Variants in SGCZ observed in about 807,000 individuals in gnomAD.
SGCZ encodes zeta-sarcoglycan.
In SGCZ, 40 loss-of-function variants were observed where a neutral mutation model predicts 41.3. That is an observed-to-expected ratio of 0.97 (90% CI 0.75 to 1.26). The LOEUF (loss-of-function observed/expected upper bound fraction) is 1.26, where lower values mean the gene tolerates loss of function less well. Among genes scored for constraint, SGCZ ranks in the 50% most tolerant of loss-of-function variants. The pLI is 0.00. For missense variants in SGCZ, 552 were observed against 369.8 expected (o/e 1.49, Z -4.04); for synonymous variants, 206 against 137.5 (o/e 1.50, Z -3.49).
chr8:14,367,092 A>C (rs760378112), intron 2 of SGCZ, among the ~76,000 whole-genome samples: 18 of 152,050 alleles, frequency 1.2e-4, no homozygotes, highest in Non-Finnish European at 2.2e-4. Flanking sequence ...GCCACTTAGA[A>C]ATTTCTTACG....
chr8:15,167,628 G>A (rs1799704513), intron 1 of SGCZ, among the ~76,000 whole-genome samples: 1 of 151,890 alleles, frequency 6.6e-6, no homozygotes, highest in South Asian at 2.1e-4. Flanking sequence ...CCAAGTGTAA[G>A]ACTAAAGGCT....
intron 1 of SGCZ, among the ~76,000 whole-genome samples, chr8:14,634,923 A>G (rs896581773): frequency 2.6e-5 from 4 of 151,902 alleles, no homozygotes; most frequent in Admixed American, 6.6e-5. Flanking sequence ...TATACATAGT[A>G]ACTATTGATA....
chr8:14,622,329 C>T (rs1197215619), intron 1 of SGCZ, among the ~76,000 whole-genome samples: 2 of 152,080 alleles, frequency 1.3e-5, no homozygotes, highest in South Asian at 2.1e-4. Context: ...TGGGAGCCTT[C>T]TATGAGTTTC....
In SGCZ at chr8:14,454,579, C is replaced by T. The variant is rs571963382; in HGVS notation, c.234+100153G>A. On this transcript the variant is annotated intron_variant, in intron 2 of 7. Transcript: ENST00000382080. ...TAAAGTTCATACGTAAAAACAGATA[C>T]GAGTAGCTCAAAAACACTGTAAAAG... 8.6e-4 allele frequency among the ~76,000 whole-genome samples: 130 copies of T among 151,994 alleles called. 1 individual carries two copies. The highest frequency in any genetic ancestry group is 7.3e-3 in the South Asian group (35 of 4,808).
chr8:14,381,595 T>A (rs558511253), intron 2 of SGCZ, among the ~76,000 whole-genome samples: 38 of 151,320 alleles, frequency 2.5e-4, no homozygotes, highest in Non-Finnish European at 4.6e-4. Flanking sequence ...GGCAACATGA[T>A]GAAACCCCGG....
At chr8:15,230,317 A>G (rs1801903457) in intron 1 of SGCZ, among the ~76,000 whole-genome samples, 1 of 152,304 alleles carries the variant, frequency 6.6e-6, no homozygotes, top group African/African-American at 2.4e-5. Context: ...AATCTCTACC[A>G]TCAGACGTTC....
chr8:15,072,225 AC>A (rs1805380847), intron 1 of SGCZ, among the ~76,000 whole-genome samples: 1 of 152,110 alleles, frequency 6.6e-6, no homozygotes, highest in African/African-American at 2.4e-5. Flanking sequence ...TAGACTGGCC[AC>A]CTAGGAAGTG....
rs1487802427 is a variant in SGCZ, at chr8:14,440,724, CGT to C, written c.234+114006_234+114007del. On this transcript the variant is annotated intron_variant, in intron 2 of 7. Coordinates refer to ENST00000382080, the MANE Select transcript of SGCZ (RefSeq NM_139167.4). ...ATATATGTATATACATACGTATACA[CGT>C]ATATGTATATATGTATATACATACG... Among the ~76,000 whole-genome samples the C allele has an allele frequency of 6.3e-4, 39 of 61,542 alleles. 1 individual carries two copies. The highest frequency in any genetic ancestry group is 2.5e-3 in the East Asian group (8 of 3,218). 40.4% of individuals were successfully genotyped at this position (61,542 alleles called of 152,430 possible).
At chr8:14,203,149 T>G (rs1805510126) in intron 4 of SGCZ, among the ~76,000 whole-genome samples, 1 of 152,218 alleles carries the variant, frequency 6.6e-6, no homozygotes, top group African/African-American at 2.4e-5. Context: ...CTTTCTTTTG[T>G]AAATTGCCCA....
chr8:14,485,787 C>A (rs534507269), intron 2 of SGCZ, among the ~76,000 whole-genome samples: 1 of 151,610 alleles, frequency 6.6e-6, no homozygotes, highest in Admixed American at 6.6e-5. Context: ...TGACAGCAGG[C>A]ACAAGGACAT....
At chr8:14,370,245 A>C (rs890736814) in intron 2 of SGCZ, among the ~76,000 whole-genome samples, 21 of 152,130 alleles carry the variant, frequency 1.4e-4, no homozygotes, top group African/African-American at 4.3e-4. Flanking sequence ...AATAGAGTAC[A>C]GTACTCAAAG....
At chr8:14,625,684 G>T (rs1011497145) in intron 1 of SGCZ, among the ~76,000 whole-genome samples, 1 of 152,006 alleles carries the variant, frequency 6.6e-6, no homozygotes, top group South Asian at 2.1e-4. Flanking sequence ...TCCCACCTTG[G>T]CCTCCCAAAG....
At chr8:15,094,086 CAG>C (rs1448316830) in intron 1 of SGCZ, among the ~76,000 whole-genome samples, 3 of 151,896 alleles carry the variant, frequency 2.0e-5, no homozygotes, top group Admixed American at 1.3e-4. Flanking sequence ...GAAAATAAGA[CAG>C]AGGGATGGAG....
At chr8:15,180,729 C>G (rs934680878) in intron 1 of SGCZ, among the ~76,000 whole-genome samples, 2 of 151,578 alleles carry the variant, frequency 1.3e-5, no homozygotes, top group African/African-American at 2.4e-5. Flanking sequence ...ATTAAAAATA[C>G]AAACAAAATT....
At chr8:14,810,700 A>G (rs1417453668) in intron 1 of SGCZ, among the ~76,000 whole-genome samples, 1 of 152,054 alleles carries the variant, frequency 6.6e-6, no homozygotes, top group Non-Finnish European at 1.5e-5. Flanking sequence ...CTTCTGGTTC[A>G]GTGACTTCCT....
chr8:14,676,969 TAAGA>T (rs1808298538), intron 1 of SGCZ, among the ~76,000 whole-genome samples: 2 of 150,760 alleles, frequency 1.3e-5, no homozygotes, highest in South Asian at 4.2e-4. Flanking sequence ...GTTAATGCAA[TAAGA>T]AAGAAAAAAA....
intron 2 of SGCZ, among the ~76,000 whole-genome samples, chr8:14,436,314 C>G (rs1009245669): frequency 2.0e-5 from 3 of 152,136 alleles, no homozygotes; most frequent in Admixed American, 6.6e-5. Flanking sequence ...GAATAATATT[C>G]AGCGCATATT....
At chr8:14,517,043 T>C (rs997765639) in intron 2 of SGCZ, among the ~76,000 whole-genome samples, 44 of 151,884 alleles carry the variant, frequency 2.9e-4, no homozygotes, top group African/African-American at 9.6e-4. Flanking sequence ...ATTCTCCCCC[T>C]ATGACTCGTA....
At chr8:14,696,390 G>A (rs1808964257) in intron 1 of SGCZ, among the ~76,000 whole-genome samples, 1 of 152,056 alleles carries the variant, frequency 6.6e-6, no homozygotes, top group Non-Finnish European at 1.5e-5. Flanking sequence ...CAGAGCGAAA[G>A]CCCACTGATA....
Sources: allele counts gnomAD v4.1 joint callset (sites outside exome capture counted in the v4.1 genomes callset), GRCh38; gene constraint gnomAD v4.1.1; transcripts MANE v1.5; gene names NCBI Gene and HGNC (gene_info 2026-07-23, HGNC 2026-07-21).